Variants in ZNF529 observed in about 807,000 individuals in gnomAD.
ZNF529 encodes the protein zinc finger protein 529.
In ZNF529, 11 loss-of-function variants were observed where a neutral mutation model predicts 10.1. That is an observed-to-expected ratio of 1.09 (90% CI 0.69 to 1.81). The LOEUF is 1.81. Among genes scored for constraint, ZNF529 ranks in the 40% most tolerant of loss-of-function variants. The pLI is 0.00. For synonymous variants in ZNF529, 204 were observed against 215.7 expected (o/e 0.95, Z 0.47); for missense variants, 624 against 666.8 (o/e 0.94, Z 0.71).
chr19:36,550,233 G>A (rs2035208541), intron 4 of ZNF529, among the ~76,000 whole-genome samples: 2 of 152,174 alleles, frequency 1.3e-5, no homozygotes, highest in Non-Finnish European at 1.5e-5. Flanking sequence ...AGAAGTTTCA[G>A]TTAGAAATAA....
chr19:36,583,767 A>C (rs996226950), intron 2 of ZNF529, among the ~76,000 whole-genome samples: 3 of 152,184 alleles, frequency 2.0e-5, no homozygotes, highest in African/African-American at 7.2e-5. Context: ...AATAAAAAAG[A>C]TCTTAAGTAT....
At chr19:36,585,404 A>G (rs577734737) in intron 2 of ZNF529, among the ~76,000 whole-genome samples, 1 of 152,356 alleles carries the variant, frequency 6.6e-6, no homozygotes, top group South Asian at 2.1e-4. Context: ...CTGTGCTCAC[A>G]GATCTAGCTA....
intron 4 of ZNF529, among the ~76,000 whole-genome samples, chr19:36,550,854 T>G (rs1392285202): frequency 3.9e-5 from 6 of 152,064 alleles, no homozygotes; most frequent in Admixed American, 6.5e-5. Flanking sequence ...TGTAGACTAA[T>G]GAATGAATTT....
At chr19:36,574,886 GT>G (rs777744243), upstream of ZNF529, 2 of 471,266 alleles carry the variant, frequency 4.2e-6, no homozygotes, top group Non-Finnish European at 8.8e-6. Flanking sequence ...TAGAAGAAAA[GT>G]TGCTGGGTAA....
At chr19:36,579,980 A>G (rs73034161) in intron 2 of ZNF529, among the ~76,000 whole-genome samples, 29,392 of 152,128 alleles carry the variant, frequency 0.19, 2,994 homozygotes, top group Middle Eastern at 0.25. Context: ...CAACACAAAA[A>G]TATTTCTGTC....
chr19:36,557,904 A>G (rs1476424667), intron 2 of ZNF529, among the ~76,000 whole-genome samples: 2 of 152,270 alleles, frequency 1.3e-5, no homozygotes, highest in Admixed American at 1.3e-4. Context: ...ATACATATTC[A>G]GGTAGACAAA....
chr19:36,594,913 C>G (rs567219087), intron 1 of ZNF529, among the ~76,000 whole-genome samples: 5 of 150,066 alleles, frequency 3.3e-5, no homozygotes, highest in South Asian at 4.2e-4. Flanking sequence ...GAGTCTTGCT[C>G]TGTCACCCGG....
chr19:36,568,462 C>T (rs2035976826), intron 2 of ZNF529, among the ~76,000 whole-genome samples: 1 of 146,980 alleles, frequency 6.8e-6, no homozygotes, highest in South Asian at 2.3e-4. Flanking sequence ...TCTGTTTTAT[C>T]TGATTTTCTT....
intron 2 of ZNF529, among the ~76,000 whole-genome samples, chr19:36,563,850 A>G (rs1017171161): frequency 6.6e-6 from 1 of 152,200 alleles, no homozygotes; most frequent in African/African-American, 2.4e-5. Flanking sequence ...AATGCTGGTT[A>G]CATCACACTA....
chr19:36,593,982 C>T (rs2036784001), intron 1 of ZNF529: 2 of 152,168 alleles, frequency 1.3e-5, no homozygotes, highest in Admixed American at 1.3e-4. Flanking sequence ...AGGAGTCCAG[C>T]AGACAGATGT....
intron 4 of ZNF529, among the ~76,000 whole-genome samples, chr19:36,551,112 TTTACAACAG>T (rs1450883788): frequency 6.6e-6 from 1 of 152,214 alleles, no homozygotes; most frequent in East Asian, 1.9e-4. Flanking sequence ...AGAAAAAAGT[TTTACAACAG>T]TGGGTCACAT....
intron 2 of ZNF529, among the ~76,000 whole-genome samples, chr19:36,586,636 T>C (rs2036586332): frequency 6.6e-6 from 1 of 151,982 alleles, no homozygotes. Context: ...AAAAGCTATT[T>C]AAAAGAACCT....
chr19:36,599,698 C>T (rs916171539), intron 1 of ZNF529, among the ~76,000 whole-genome samples: 13 of 152,084 alleles, frequency 8.5e-5, no homozygotes, highest in Non-Finnish European at 1.5e-4. Flanking sequence ...TGCATTAATT[C>T]CATCATCAGG....
In ZNF529 at chr19:36,545,461, G is replaced by C. The variant is rs1247538501; in HGVS notation, c.*1405C>G. ...GAATAGCCTGAACCTGGGAGGCAGA[G>C]GTTGAGGTGAGCCAAGACTGCGCCA... On this transcript the variant is annotated 3_prime_UTR_variant, in exon 5 of 5. Transcript: ENST00000591340. 6.6e-6 allele frequency: 1 copy of C among 152,292 alleles called. No homozygotes were observed. The highest frequency in any genetic ancestry group is 2.4e-5 in the African/African-American group (1 of 41,440). 9.4% of individuals were successfully genotyped at this position (152,292 alleles called of 1,614,324 possible). A position where few individuals can be genotyped will look rare whatever the true frequency, so the allele number is the denominator to read the frequency against.
At chr19:36,573,519 C>T (rs753875718), upstream of ZNF529, 63 of 469,772 alleles carry the variant, frequency 1.3e-4, no homozygotes, top group South Asian at 9.6e-4. Flanking sequence ...TGGTCCCTGA[C>T]GGCAAGGTGA....
chr19:36,597,213 C>G (rs2036855198), intron 1 of ZNF529, among the ~76,000 whole-genome samples: 2 of 152,108 alleles, frequency 1.3e-5, no homozygotes, highest in South Asian at 4.1e-4. Context: ...CATTAAATTT[C>G]TTTAATGTAA....
At chr19:36,593,061 C>T (rs1281490706) in intron 1 of ZNF529, among the ~76,000 whole-genome samples, 2 of 152,166 alleles carry the variant, frequency 1.3e-5, no homozygotes, top group African/African-American at 4.8e-5. Flanking sequence ...ACTACTAATG[C>T]AAGTCCTAGC....
chr19:36,548,141 G>A lies in ZNF529; in HGVS notation c.417C>T (p.Phe139=). 6.2e-7 allele frequency: 1 copy of A among 1,613,816 alleles called. No individual in the cohort carries two copies. The highest frequency in any genetic ancestry group is 8.5e-7 in the Non-Finnish European group (1 of 1,179,848). ...TTTCAGAGATGATTTTCATTTGACT[G>A]AAATATCCCACTTCAGGTCCTTGTA... ...IDLQGPEVGY[F]SQMKIISENV... is the part of the protein sequence containing the mutation. The change falls in exon 5 of 5, where the codon TTC becomes TTT. Residue 139 remains phenylalanine, a synonymous_variant. Transcript: ENST00000591340.
intron 1 of ZNF529, among the ~76,000 whole-genome samples, chr19:36,572,794 T>C (rs947470496): frequency 7.9e-5 from 12 of 152,130 alleles, no homozygotes; most frequent in Non-Finnish European, 1.6e-4. Context: ...AATCTATCTA[T>C]ATGCGTGTGT....
Sources: gnomAD v4.1 joint callset for allele counts (sites outside exome capture counted in the v4.1 genomes callset) on GRCh38, gnomAD v4.1.1 for gene constraint, MANE v1.5 for transcripts, NCBI Gene and HGNC (gene_info 2026-07-23, HGNC 2026-07-21) for gene names.